CSMD3: variants seen among roughly 807,000 people sequenced by gnomAD.
CSMD3 encodes CUB and Sushi multiple domains 3, also known as CUB and sushi domain-containing protein 3.
In CSMD3, 177 loss-of-function variants were observed where a neutral mutation model predicts 435.2. The observed-to-expected ratio is 0.41, with a 90% confidence interval of 0.36 to 0.46. CSMD3 has a LOEUF of 0.46. CSMD3 is among the 20% of genes least tolerant of loss of function. The pLI is 0.34. For missense variants in CSMD3, 4,265 were observed against 4,504.6 expected (o/e 0.95, Z 1.52); for synonymous variants, 1,656 against 1,520.5 (o/e 1.09, Z -2.07).
In CSMD3 at chr8:112,638,768, T is replaced by G; in HGVS notation, c.3454A>C (p.Asn1152His). Residue 1152 changes from asparagine (N) to histidine (H), a missense_variant, in exon 21 of 71, where the codon AAT becomes CAT. By Grantham distance (68) the Asn-to-His change is moderately conservative (BLOSUM62 1). Transcript: ENST00000297405. ...PPTINAGLYG[N>H]FRAQLRFISD... ...ATGAAACGCAATTGAGCCCTGAAAT[T>G]TCCATAGAGACCAGCATTGATTGTT... The G allele has an allele frequency of 6.2e-7, 1 of 1,612,694 alleles. No homozygotes were observed.
chr8:113,374,614 A>G (rs1015819415), intron 1 of CSMD3, among the ~76,000 whole-genome samples: 5 of 151,976 alleles, frequency 3.3e-5, no homozygotes, highest in African/African-American at 1.2e-4. Context: ...GGAGTAAGAC[A>G]TTTTCACATT....
intron 6 of CSMD3, among the ~76,000 whole-genome samples, chr8:113,004,620 G>A (rs1467922808): frequency 6.6e-6 from 1 of 151,936 alleles, no homozygotes; most frequent in Non-Finnish European, 1.5e-5. Context: ...GATTTAGGGA[G>A]TGTCTTTTTT....
chr8:112,881,331 C>T (rs1291835514), intron 10 of CSMD3, among the ~76,000 whole-genome samples: 1 of 151,938 alleles, frequency 6.6e-6, no homozygotes, highest in Non-Finnish European at 1.5e-5. Flanking sequence ...ATTAAAGGCT[C>T]ATTAATACAA....
At chr8:112,817,908 G>A (rs1251955435) in intron 12 of CSMD3, among the ~76,000 whole-genome samples, 1 of 151,804 alleles carries the variant, frequency 6.6e-6, no homozygotes, top group Non-Finnish European at 1.5e-5. Context: ...TATTTCCTTG[G>A]AGCTAAAGCC....
chr8:112,629,109 A>T (rs2074437130), intron 22 of CSMD3, among the ~76,000 whole-genome samples: 1 of 152,212 alleles, frequency 6.6e-6, no homozygotes, highest in Non-Finnish European at 1.5e-5. Context: ...TTGAACGATG[A>T]CAGGGTAATG....
intron 13 of CSMD3, among the ~76,000 whole-genome samples, chr8:112,728,522 C>T (rs954395350): frequency 1.3e-5 from 2 of 151,920 alleles, no homozygotes; most frequent in Non-Finnish European, 1.5e-5. Context: ...CTTATTCATA[C>T]CTATATTCTG....
At chr8:113,126,352 T>C (rs1262030548) in intron 4 of CSMD3, among the ~76,000 whole-genome samples, 1 of 151,768 alleles carries the variant, frequency 6.6e-6, no homozygotes, top group African/African-American at 2.4e-5. Flanking sequence ...GGAGACAAAC[T>C]GGAAAAATAC....
intron 22 of CSMD3, among the ~76,000 whole-genome samples, chr8:112,591,010 T>C (rs1831142746): frequency 6.6e-6 from 1 of 152,232 alleles, no homozygotes; most frequent in Non-Finnish European, 1.5e-5. Context: ...GGTGGTGTCA[T>C]CTTTAAATCA....
chr8:113,168,537 A>AAAC (rs2092204497), intron 4 of CSMD3, among the ~76,000 whole-genome samples: 1 of 149,506 alleles, frequency 6.7e-6, no homozygotes, highest in African/African-American at 2.4e-5. Flanking sequence ...AAAAAAAAAA[A>AAAC]AAAAAAAAAA....
chr8:112,532,512 T>C (rs1392050789), intron 27 of CSMD3, among the ~76,000 whole-genome samples: 2 of 152,084 alleles, frequency 1.3e-5, no homozygotes, highest in East Asian at 1.9e-4. Context: ...CATTTGGCAG[T>C]AGACTTCTCA....
chr8:112,626,977 A>G (rs1834526909), intron 22 of CSMD3, among the ~76,000 whole-genome samples: 1 of 152,148 alleles, frequency 6.6e-6, no homozygotes, highest in Non-Finnish European at 1.5e-5. Flanking sequence ...GCCCTTATTC[A>G]TAGCTCATAA....
At chr8:112,691,238 T>C (rs2131831275) in intron 13 of CSMD3, among the ~76,000 whole-genome samples, 1 of 152,300 alleles carries the variant, frequency 6.6e-6, no homozygotes, top group South Asian at 2.1e-4. Flanking sequence ...CATTTAAACG[T>C]TTCTTTAAAA....
At chr8:112,718,597 A>C (rs527577382) in intron 13 of CSMD3, among the ~76,000 whole-genome samples, 4 of 151,852 alleles carry the variant, frequency 2.6e-5, no homozygotes, top group African/African-American at 7.2e-5. Context: ...AAAACAAAAC[A>C]ATTTAATTTT....
chr8:113,245,241 G>T (rs1181085825), intron 3 of CSMD3, among the ~76,000 whole-genome samples: 1 of 151,936 alleles, frequency 6.6e-6, no homozygotes, highest in East Asian at 1.9e-4. Flanking sequence ...ATGTTGGAGT[G>T]TTTAATTAAT....
intron 4 of CSMD3, among the ~76,000 whole-genome samples, chr8:113,110,098 T>C (rs2090593898): frequency 6.6e-6 from 1 of 152,128 alleles, no homozygotes; most frequent in African/African-American, 2.4e-5. Flanking sequence ...GATCTCCAAA[T>C]TGCCTTTGAC....
At chr8:112,510,852 T>G (rs1823047845) in intron 28 of CSMD3, among the ~76,000 whole-genome samples, 2 of 152,210 alleles carry the variant, frequency 1.3e-5, no homozygotes, top group Non-Finnish European at 2.9e-5. Flanking sequence ...ACTATATATT[T>G]CATAACGTTT....
chr8:112,911,697 ATTG>A (rs2082420432), intron 10 of CSMD3, among the ~76,000 whole-genome samples: 1 of 124,070 alleles, frequency 8.1e-6, no homozygotes, highest in South Asian at 2.8e-4. Context: ...TATTTAGTTA[ATTG>A]TTATGTATGT....
At chr8:112,621,028 G>C (rs1834029798) in intron 22 of CSMD3, among the ~76,000 whole-genome samples, 1 of 152,032 alleles carries the variant, frequency 6.6e-6, no homozygotes, top group South Asian at 2.1e-4. Context: ...CCTGAGGTTA[G>C]AGTTCAAGAT....
chr8:113,091,743 T>C (rs987506181), intron 5 of CSMD3, among the ~76,000 whole-genome samples: 3 of 152,066 alleles, frequency 2.0e-5, no homozygotes, highest in Non-Finnish European at 2.9e-5. Flanking sequence ...CTTTTTGTTT[T>C]ACTATCTTTT....
Sources: gnomAD v4.1 joint callset for allele counts (sites outside exome capture counted in the v4.1 genomes callset) on GRCh38, gnomAD v4.1.1 for gene constraint, MANE v1.5 for transcripts, NCBI Gene and HGNC (gene_info 2026-07-23, HGNC 2026-07-21) for gene names.